The following ACTL7B variants were observed in gnomAD, a reference collection of about 807,000 sequenced individuals.
ACTL7B encodes the protein actin like 7B, also known as actin-like protein 7B.
ACTL7B carries 14 observed loss-of-function variants against 17.5 expected under a neutral mutation model. The ratio of observed to expected loss-of-function variants is 0.80; its 90% CI spans 0.53 to 1.25. The LOEUF (loss-of-function observed/expected upper bound fraction) is 1.25, where lower values mean the gene tolerates loss of function less well. Among genes scored for constraint, ACTL7B ranks in the 50% most tolerant of loss-of-function variants. The pLI is 0.00. For synonymous variants in ACTL7B, 267 were observed against 252.4 expected (o/e 1.06, Z -0.55); for missense variants, 599 against 573.9 (o/e 1.04, Z -0.45).
In ACTL7B at chr9:108,854,761, C is replaced by A. The variant is rs758893098; in HGVS notation, c.1170G>T (p.Leu390=). ...VWTGGSILAS[L]QAFQQLWVSK... Reference sequence around the variant, plus strand: ...TGACCCAGAGCTGTTGGAAGGCCTGCAGGGAGGCCAGGATGGAACCGCCGG... The same window carrying A: ...TGACCCAGAGCTGTTGGAAGGCCTGAAGGGAGGCCAGGATGGAACCGCCGG... The change falls in exon 1 of 1, where the codon CTG becomes CTT. Residue 390 remains leucine, a synonymous_variant. Transcript: ENST00000374667. 6.3e-7 allele frequency: 1 copy of A among 1,586,294 alleles called. No individual in the cohort carries two copies. The highest frequency in any genetic ancestry group is 1.3e-5 in the African/African-American group (1 of 74,256).
rs763078607 is a variant in ACTL7B at position 108,854,920 on chromosome 9, G to C, written c.1011C>G (p.Ala337=). Residue 337 remains alanine (A), a synonymous_variant, in exon 1 of 1, where the codon GCC becomes GCG. Coordinates refer to ENST00000374667, the MANE Select transcript of ACTL7B (RefSeq NM_006686.4). ...QDTGFKEEMA[A]NVLLCGGCTM... ...TGCAGCCGCCACACAGTAGCACGTT[G>C]GCGGCCATCTCCTCCTTGAAGCCCG... 4 of 1,516,562 alleles carry C rather than the reference G, an allele frequency of 2.6e-6. No homozygotes were observed. The Admixed American group carries it at 8.9e-5, about 34-fold the overall frequency. 93.9% of individuals were successfully genotyped at this position (1,516,562 alleles called of 1,614,324 possible). A position where few individuals can be genotyped will look rare whatever the true frequency, so the allele number is the denominator to read the frequency against.
chr9:108,855,731 C>T lies in ACTL7B; in HGVS notation c.200G>A (p.Gly67Glu). 2 of 1,608,834 alleles carry T rather than the reference C, an allele frequency of 1.2e-6. No homozygotes were observed. Among genetic ancestry groups the T allele is most frequent in the Non-Finnish European group, 1.7e-6 (2 of 1,179,930 alleles). ...GSQYCKCGYA[G>E]EPRPTYFISS... ...GATGAAGTAGGTGGGCCTCGGCTCT[C>T]CCGCGTAGCCGCACTTGCAGTACTG... The change falls in exon 1 of 1, where the codon GGA (glycine) becomes GAA (glutamate). Residue 67 changes from glycine (G) to glutamate (E), a missense_variant. Transcript: ENST00000374667.
chr9:108,855,780 C>T lies in ACTL7B; in HGVS notation c.151G>A (p.Ala51Thr). Residue 51 changes from alanine to threonine, a missense_variant, in exon 1 of 1, where the codon GCG becomes ACG. Coordinates refer to ENST00000374667, the MANE Select transcript of ACTL7B (RefSeq NM_006686.4). ...MKPRKVHKIK[A>T]VIIDLGSQYC... is the part of the protein sequence containing the mutation. Reference sequence around the variant, plus strand: ...TGGGAGCCCAGGTCGATGATGACCGCCTTGATCTTGTGCACCTTCCTGGGC... The same window carrying T: ...TGGGAGCCCAGGTCGATGATGACCGTCTTGATCTTGTGCACCTTCCTGGGC... The T allele has an allele frequency of 1.2e-6, 2 of 1,610,140 alleles. No individual in the cohort carries two copies.
Position 108,854,944 on chromosome 9 carries a change from C to T in ACTL7B, c.987G>A (p.Thr329=). 2.0e-6 allele frequency: 3 copies of T among 1,516,768 alleles called. No individual in the cohort carries two copies. Among genetic ancestry groups the T allele is most frequent in the African/African-American group, 2.8e-5 (2 of 71,872 alleles). 94.0% of individuals were successfully genotyped at this position (1,516,768 alleles called of 1,614,324 possible). A position where few individuals can be genotyped will look rare whatever the true frequency, so the allele number is the denominator to read the frequency against. ...TGGCGGCCATCTCCTCCTTGAAGCC[C>T]GTGTCCTGGCAGCGGCCCAGGCAGG... ...TAACLGRCQD[T]GFKEEMAANV... The change falls in exon 1 of 1, where the codon ACG becomes ACA. Residue 329 remains threonine (T), a synonymous_variant. Transcript: ENST00000374667.
rs1449150368 is a variant in ACTL7B, at chr9:108,854,705, A to C, written c.1226T>G (p.Val409Gly). Residue 409 changes from valine (V) to glycine (G), a missense_variant, in exon 1 of 1, where the codon GTG becomes GGG. Physicochemically the swap from Val to Gly is moderately radical, Grantham distance 109. Transcript: ENST00000374667. ...GGCTCAGCACTTGCTGTAGATGGCC[A>C]CGCTGCCCCGCTCCTCAAACTCTTC... ...SKEEFEERGSVAIYSKC is the reference protein window; with the variant it reads ...SKEEFEERGSGAIYSKC 6 of 1,517,326 alleles carry C rather than the reference A, an allele frequency of 4.0e-6. No individual in the cohort carries two copies. The highest frequency in any genetic ancestry group is 5.3e-6 in the Non-Finnish European group (6 of 1,131,714). 94.0% of individuals were successfully genotyped at this position (1,517,326 alleles called of 1,614,324 possible).
At position 108,855,386 on chromosome 9, in the gene ACTL7B, G is replaced by A; in HGVS notation, c.545C>T (p.Ser182Leu). The change falls in exon 1 of 1, where the codon TCG becomes TTG. Residue 182 changes from serine (S) to leucine (L), a missense_variant. Transcript: ENST00000374667. ...GIPAMHVTSQ[S>L]LLSIYSYGKT... ...GCCGTAGGAGTAGATGGACAGCAAC[G>A]ACTGGGACGTCACGTGCATGGCTGG... The A allele has an allele frequency of 1.9e-6, 3 of 1,613,120 alleles. No homozygotes were observed. The South Asian group carries it at 3.3e-5, about 18-fold the overall frequency.
At position 108,854,993 on chromosome 9, in the gene ACTL7B, G is replaced by A. The variant is rs772114913; in HGVS notation, c.938C>T (p.Pro313Leu). 12 of 1,517,512 alleles carry A rather than the reference G, an allele frequency of 7.9e-6. No individual in the cohort carries two copies. The highest frequency in any genetic ancestry group is 1.4e-5 in the African/African-American group (1 of 72,010). The allele number at this position is 1,517,512 out of a possible 1,614,324, so 94.0% of individuals were successfully genotyped here. Reference sequence around the variant, plus strand: ...GGCAGCTGTGAGCTCCGGGAGGCCCGGCTGGGTGCTGCCTGCCAGGGAGGG... The same window carrying A: ...GGCAGCTGTGAGCTCCGGGAGGCCCAGCTGGGTGCTGCCTGCCAGGGAGGG... ...FQPSLAGSTQ[P>L]GLPELTAACL... The change falls in exon 1 of 1, where the codon CCG becomes CTG. Residue 313 changes from proline to leucine, a missense_variant. Physicochemically the swap from Pro to Leu is moderately conservative, Grantham distance 98 (BLOSUM62 -3). Coordinates refer to ENST00000374667, the MANE Select transcript of ACTL7B (RefSeq NM_006686.4).
Position 108,855,542 on chromosome 9 carries a change from C to T in ACTL7B, c.389G>A (p.Trp130Ter). The T allele has an allele frequency of 6.2e-7, 1 of 1,613,698 alleles. No homozygotes were observed. The highest frequency in any genetic ancestry group is 1.1e-5 in the South Asian group (1 of 91,088). ...VVDWDCVQDI[W>*]EYIFRTAMKI... ...CATGGCGGTGCGGAAGATGTACTCC[C>T]AGATGTCCTGCACGCAGTCCCAGTC... Residue 130 changes from tryptophan (W) to a stop codon, truncating the protein, a stop_gained, in exon 1 of 1, where the codon TGG (tryptophan) becomes TAG (stop). Transcript: ENST00000374667. LOFTEE classifies it high-confidence loss of function.
chr9:108,854,847 G>A lies in ACTL7B; in HGVS notation c.1084C>T (p.Leu362Phe), dbSNP rs1445900365. Reference protein sequence around the residue: ...PERFQRELSLLCPGDSPAVAA... With the variant: ...PERFQRELSLFCPGDSPAVAA... The stretch of plus-strand genomic sequence containing the variant: ...ACTGCAGGGCTGTCCCCGGGGCAGA[G>A]GAGGCTCAGCTCCCTCTGGAAGCGC... Residue 362 changes from leucine (L) to phenylalanine (F), a missense_variant, in exon 1 of 1, where the codon CTC (leucine) becomes TTC (phenylalanine). By Grantham distance (22) the Leu-to-Phe change is conservative. Transcript: ENST00000374667. 7.0e-6 allele frequency: 11 copies of A among 1,579,430 alleles called. No individual in the cohort carries two copies. The African/African-American group carries it at 1.4e-4, about 19-fold the overall frequency.
In ACTL7B at chr9:108,855,272, C is replaced by T; in HGVS notation, c.659G>A (p.Ser220Asn). ...SEGDVLPGLT[S>N]RADYAGGDLT... ...GTCACCCCCAGCGTAGTCGGCGCGG[C>T]TGGTCAGGCCCGGCAGCACGTCGCC... The change falls in exon 1 of 1, where the codon AGC becomes AAC. Residue 220 changes from serine to asparagine, a missense_variant. Coordinates refer to ENST00000374667, the MANE Select transcript of ACTL7B (RefSeq NM_006686.4). 6.3e-7 allele frequency: 1 copy of T among 1,596,970 alleles called. No homozygotes were observed. The highest frequency in any genetic ancestry group is 8.5e-7 in the Non-Finnish European group (1 of 1,177,022).
Position 108,855,027 on chromosome 9 carries a change from G to C in ACTL7B, c.904C>G (p.Leu302Val). The change falls in exon 1 of 1, where the codon CTC (leucine) becomes GTC (valine). Residue 302 changes from leucine to valine, a missense_variant. Coordinates refer to ENST00000374667, the MANE Select transcript of ACTL7B (RefSeq NM_006686.4). The part of the protein sequence containing the change: ...GQERFRCSEM[L>V]FQPSLAGSTQ... The stretch of plus-strand genomic sequence containing the variant: ...CTGCCTGCCAGGGAGGGCTGGAAGA[G>C]CATCTCAGAGCAACGGAAGCGCTCC... The C allele has an allele frequency of 6.6e-7, 1 of 1,522,704 alleles. No homozygotes were observed. 94.3% of individuals were successfully genotyped at this position (1,522,704 alleles called of 1,614,324 possible). A position where few individuals can be genotyped will look rare whatever the true frequency, so the allele number is the denominator to read the frequency against.
Position 108,855,504 on chromosome 9 carries a change from C to G in ACTL7B, c.427G>C (p.Glu143Gln), listed in dbSNP as rs199588559. 6 of 1,613,422 alleles carry G rather than the reference C, an allele frequency of 3.7e-6. No individual in the cohort carries two copies. Among genetic ancestry groups the G allele is most frequent in the African/African-American group, 1.3e-5 (1 of 74,950 alleles). The change falls in exon 1 of 1, where the codon GAG becomes CAG. Residue 143 changes from glutamate (E) to glutamine (Q), a missense_variant. Physicochemically the swap from Glu to Gln is conservative, Grantham distance 29 (BLOSUM62 2). Coordinates refer to ENST00000374667, the MANE Select transcript of ACTL7B (RefSeq NM_006686.4). ...IFRTAMKILP[E>Q]EHAVLVSDPP... The stretch of plus-strand genomic sequence containing the variant: ...TCGGAGACCAGCACAGCGTGCTCCT[C>G]GGGGAGGATCTTCATGGCGGTGCGG...
In ACTL7B at chr9:108,855,208, G is replaced by A. The variant is rs1031500921; in HGVS notation, c.723C>T (p.Gly241=). The change falls in exon 1 of 1, where the codon GGC becomes GGT. Residue 241 remains glycine (G), a synonymous_variant. Coordinates refer to ENST00000374667, the MANE Select transcript of ACTL7B (RefSeq NM_006686.4). ...GCAGGTGGTCGTCCGTGAATGCGTG[G>A]CCCGCCTCATTGAGCAGCTGCATCA... The part of the protein sequence containing the change: ...NYLMQLLNEA[G]HAFTDDHLHI... 1.8e-5 allele frequency: 29 copies of A among 1,598,376 alleles called. No homozygotes were observed. Among genetic ancestry groups the A allele is most frequent in the Non-Finnish European group, 2.4e-5 (28 of 1,176,440 alleles).
chr9:108,855,076 G>T lies in ACTL7B; in HGVS notation c.855C>A (p.Asp285Glu). ...CCTGGCCAATAGTGATGAGTTTGCC[G>T]TCCGGGAGCTCGTAGTCCACGCGCA... ...EELRVDYELP[D>E]GKLITIGQER... The change falls in exon 1 of 1, where the codon GAC becomes GAA. Residue 285 changes from aspartate (D) to glutamate (E), a missense_variant. By Grantham distance (45) the Asp-to-Glu change is conservative. Transcript: ENST00000374667. 2 of 1,571,684 alleles carry T rather than the reference G, an allele frequency of 1.3e-6. No homozygotes were observed. The highest frequency in any genetic ancestry group is 1.8e-5 in the Admixed American group (1 of 55,238).
Position 108,855,173 on chromosome 9 carries a change from T to C in ACTL7B, c.758A>G (p.Glu253Gly). 11 of 1,608,500 alleles carry C rather than the reference T, an allele frequency of 6.8e-6. No individual in the cohort carries two copies. The highest frequency in any genetic ancestry group is 9.3e-6 in the Non-Finnish European group (11 of 1,179,104). ...ATAGCAGCACTTCTTCTTGATGTGC[T>C]CTATGATGTGCAGGTGGTCGTCCGT... is the stretch of plus-strand genomic sequence containing the variant. ...AFTDDHLHII[E>G]HIKKKCCYAA... The change falls in exon 1 of 1, where the codon GAG becomes GGG. Residue 253 changes from glutamate to glycine, a missense_variant. Coordinates refer to ENST00000374667, the MANE Select transcript of ACTL7B (RefSeq NM_006686.4).
Position 108,855,633 on chromosome 9 carries a change from G to T in ACTL7B, c.298C>A (p.His100Asn), listed in dbSNP as rs780867258. Residue 100 changes from histidine (H) to asparagine (N), a missense_variant, in exon 1 of 1, where the codon CAT becomes AAT. Physicochemically the swap from His to Asn is moderately conservative, Grantham distance 68. Transcript: ENST00000374667. ...GDTRKWTLVG[H>N]ELLNTEAPLK... ...GGCGCCTCCGTGTTGAGCAGCTCAT[G>T]GCCCACTAAAGTCCACTTGCGGGTG... is the stretch of plus-strand genomic sequence containing the variant. The T allele has an allele frequency of 6.2e-7, 1 of 1,613,736 alleles. No homozygotes were observed. The highest frequency in any genetic ancestry group is 8.5e-7 in the Non-Finnish European group (1 of 1,180,046).
chr9:108,855,347 A>G lies in ACTL7B; in HGVS notation c.584T>C (p.Leu195Pro), dbSNP rs1400880940. 1 of 1,610,170 alleles carries G rather than the reference A, an allele frequency of 6.2e-7. No individual in the cohort carries two copies. The highest frequency in any genetic ancestry group is 2.2e-5 in the East Asian group (1 of 44,870). ...GACGCCGTGCCCGCTCTCCACCACC[A>G]GCCCCGAGGTCTTGCCGTAGGAGTA... ...SIYSYGKTSG[L>P]VVESGHGVSH... The change falls in exon 1 of 1, where the codon CTG becomes CCG. Residue 195 changes from leucine (L) to proline (P), a missense_variant. Transcript: ENST00000374667.
rs765925143 is a variant in ACTL7B, at chr9:108,855,211, C to A, written c.720G>T (p.Ala240=). Residue 240 remains alanine (A), a synonymous_variant, in exon 1 of 1, where the codon GCG becomes GCT. Coordinates refer to ENST00000374667, the MANE Select transcript of ACTL7B (RefSeq NM_006686.4). ...TNYLMQLLNE[A]GHAFTDDHLH... Reference sequence around the variant, plus strand: ...GGTGGTCGTCCGTGAATGCGTGGCCCGCCTCATTGAGCAGCTGCATCAGGT... The same window carrying A: ...GGTGGTCGTCCGTGAATGCGTGGCCAGCCTCATTGAGCAGCTGCATCAGGT... The A allele has an allele frequency of 6.3e-7, 1 of 1,597,916 alleles. No individual in the cohort carries two copies. Among genetic ancestry groups the A allele is most frequent in the South Asian group, 1.1e-5 (1 of 90,636 alleles).
In ACTL7B at chr9:108,855,673, C is replaced by A; in HGVS notation, c.258G>T (p.Ala86=). 1 of 1,612,464 alleles carries A rather than the reference C, an allele frequency of 6.2e-7. No homozygotes were observed. Among genetic ancestry groups the A allele is most frequent in the Non-Finnish European group, 8.5e-7 (1 of 1,180,020 alleles). The part of the protein sequence containing the change: ...SSTVGKRCPE[A]ADAGDTRKWT... ...ACTTGCGGGTGTCGCCAGCGTCGGC[C>A]GCCTCGGGGCAGCGTTTGCCCACGG... Residue 86 remains alanine (A), a synonymous_variant, in exon 1 of 1, where the codon GCG becomes GCT. Transcript: ENST00000374667.
Sources: allele counts gnomAD v4.1 joint callset, GRCh38; gene constraint gnomAD v4.1.1; transcripts MANE v1.5; gene names NCBI Gene and HGNC (gene_info 2026-07-23, HGNC 2026-07-21).